Variants in RNF130 observed in about 807,000 individuals in gnomAD.
RNF130 encodes E3 ubiquitin-protein ligase RNF130.
Under a neutral mutation model 44.6 loss-of-function variants are expected in RNF130, and 21 were observed. The ratio of observed to expected loss-of-function variants is 0.47; its 90% CI spans 0.33 to 0.68. RNF130 has a LOEUF of 0.68. RNF130 is among the 30% of genes least tolerant of loss of function. The pLI is 0.02. For synonymous variants in RNF130, 214 were observed against 210.4 expected, an observed-to-expected ratio of 1.02 and a Z score of -0.15; for missense variants, 479 against 560.6, an observed-to-expected ratio of 0.85 and a Z score of 1.47.
At chr5:179,969,253 C>T (rs115744536) in intron 6 of RNF130, among the ~76,000 whole-genome samples, 9 of 152,110 alleles carry the variant, frequency 5.9e-5, no homozygotes, top group South Asian at 2.1e-4. Context: ...TGACCTGGCA[C>T]CTGCCACAGC....
intron 7 of RNF130, among the ~76,000 whole-genome samples, chr5:179,921,730 G>T (rs1003378731): frequency 2.6e-5 from 4 of 152,048 alleles, no homozygotes; most frequent in Non-Finnish European, 5.9e-5. Flanking sequence ...CCAGGAGGTG[G>T]AGGTTGCAGT....
chr5:180,006,252 A>G (rs1362190032), intron 3 of RNF130, among the ~76,000 whole-genome samples: 1 of 152,144 alleles, frequency 6.6e-6, no homozygotes, highest in African/African-American at 2.4e-5. Context: ...TGTAGGACAA[A>G]TCTTGGCAGT....
chr5:180,031,621 G>A (rs1764132839), intron 2 of RNF130, among the ~76,000 whole-genome samples: 1 of 152,162 alleles, frequency 6.6e-6, no homozygotes, highest in Non-Finnish European at 1.5e-5. Context: ...TCAATTTTAT[G>A]GACATATAAC....
intron 7 of RNF130, among the ~76,000 whole-genome samples, chr5:179,944,889 T>C (rs561965848): frequency 6.6e-6 from 1 of 152,308 alleles, no homozygotes; most frequent in South Asian, 2.1e-4. Context: ...CAGCAGGCCC[T>C]GTTTCCAGAT....
intron 3 of RNF130, among the ~76,000 whole-genome samples, chr5:179,987,530 G>T (rs772513583): frequency 6.6e-6 from 1 of 152,208 alleles, no homozygotes; most frequent in Admixed American, 6.5e-5. Context: ...TGGAACAGAG[G>T]GGGTGGTAGG....
intron 1 of RNF130, among the ~76,000 whole-genome samples, chr5:180,061,680 T>C (rs554077814): frequency 6.6e-6 from 1 of 152,290 alleles, no homozygotes; most frequent in African/African-American, 2.4e-5. Flanking sequence ...TTCCTCTTCT[T>C]ATAAGGACAT....
chr5:179,930,277 C>T (rs146192465), intron 7 of RNF130, among the ~76,000 whole-genome samples: 2,729 of 152,200 alleles, frequency 0.018, 39 homozygotes, highest in Non-Finnish European at 0.029. Flanking sequence ...AGGCTGATCT[C>T]GAACTCCTGA....
intron 7 of RNF130, among the ~76,000 whole-genome samples, chr5:179,948,162 C>G (rs1561665737): frequency 6.6e-6 from 1 of 152,198 alleles, no homozygotes; most frequent in African/African-American, 2.4e-5. Flanking sequence ...CATCAGTTTT[C>G]TTCACTTGTA....
chr5:180,070,135 AC>A (rs963146587), intron 1 of RNF130, among the ~76,000 whole-genome samples: 30 of 152,184 alleles, frequency 2.0e-4, no homozygotes, highest in African/African-American at 7.2e-4. Flanking sequence ...AAAAGAGGCT[AC>A]CATTGTTAGT....
chr5:180,022,881 T>C (rs778672485), intron 2 of RNF130, among the ~76,000 whole-genome samples: 1 of 152,098 alleles, frequency 6.6e-6, no homozygotes, highest in African/African-American at 2.4e-5. Context: ...TTTAAATGGG[T>C]GGGAAAAGAA....
chr5:179,967,044 A>G (rs1762468086), intron 6 of RNF130, 34 bp from the exon 7 acceptor site: 1 of 1,551,862 alleles, frequency 6.4e-7, no homozygotes, highest in African/African-American at 1.4e-5. Context: ...AATAATTGTA[A>G]GGAAAACACA....
intron 6 of RNF130, among the ~76,000 whole-genome samples, chr5:179,967,239 C>T (rs1403327639): frequency 2.0e-5 from 3 of 152,170 alleles, no homozygotes; most frequent in African/African-American, 7.2e-5. Context: ...CAAAGGAAAA[C>T]TAAAATTCAT....
intron 7 of RNF130, among the ~76,000 whole-genome samples, chr5:179,930,683 C>T (rs1446883500): frequency 6.6e-6 from 1 of 152,010 alleles, no homozygotes; most frequent in African/African-American, 2.4e-5. Flanking sequence ...TGAAAATATC[C>T]ATTATTAGAT....
intron 3 of RNF130, among the ~76,000 whole-genome samples, chr5:180,010,281 A>G (rs1049252081): frequency 1.9e-4 from 28 of 147,530 alleles, no homozygotes; most frequent in African/African-American, 6.7e-4. Flanking sequence ...AAGTATCTCA[A>G]GGTAATTATG....
chr5:179,946,672 G>T (rs1484411797), intron 7 of RNF130, among the ~76,000 whole-genome samples: 1 of 151,610 alleles, frequency 6.6e-6, no homozygotes, highest in Non-Finnish European at 1.5e-5. Context: ...TCCTGCCTCA[G>T]CCTCCCGAGT....
intron 2 of RNF130, among the ~76,000 whole-genome samples, chr5:180,038,122 C>T (rs752359270): frequency 3.3e-5 from 5 of 152,154 alleles, no homozygotes; most frequent in East Asian, 1.9e-4. Context: ...GGTGTGATCA[C>T]GGCTCACTGT....
At chr5:180,005,151 G>A (rs1404607948) in intron 3 of RNF130, among the ~76,000 whole-genome samples, 8 of 152,282 alleles carry the variant, frequency 5.3e-5, no homozygotes, top group Non-Finnish European at 1.0e-4. Context: ...CTGATGGCCC[G>A]GCGTGGTGGC....
At chr5:179,985,269 T>C (rs532640313) in intron 3 of RNF130, among the ~76,000 whole-genome samples, 3 of 148,468 alleles carry the variant, frequency 2.0e-5, no homozygotes, top group Admixed American at 6.8e-5. Context: ...TTTTCTCCCA[T>C]AGAAATCTTT....
chr5:179,962,599 A>C (rs1762358057), intron 8 of RNF130, among the ~76,000 whole-genome samples: 1 of 152,244 alleles, frequency 6.6e-6, no homozygotes, highest in Non-Finnish European at 1.5e-5. Flanking sequence ...CGATATCCTC[A>C]GTAAATGTCC....
Sources: gnomAD v4.1 joint callset for allele counts (sites outside exome capture counted in the v4.1 genomes callset) on GRCh38, gnomAD v4.1.1 for gene constraint, MANE v1.5 for transcripts, NCBI Gene and HGNC (gene_info 2026-07-23, HGNC 2026-07-21) for gene names.